SLC35F1: variants seen among roughly 807,000 people sequenced by gnomAD.
SLC35F1 encodes solute carrier family 35 member F1, also known as chromosome 6 open reading frame 169.
Under a neutral mutation model 48.7 loss-of-function variants are expected in SLC35F1, and 14 were observed. That is an observed-to-expected ratio of 0.29 (90% CI 0.19 to 0.45). The LOEUF is 0.45. SLC35F1 is among the 20% of genes least tolerant of loss of function. The probability of loss-of-function intolerance (pLI) is 1.00; values close to 1 mark genes in which losing one functional copy is unlikely to be tolerated. For missense variants in SLC35F1, 404 were observed against 500.0 expected, an observed-to-expected ratio of 0.81 and a Z score of 1.83; for synonymous variants, 190 against 202.2, an observed-to-expected ratio of 0.94 and a Z score of 0.51.
At chr6:118,243,555 G>A (rs1775467596) in intron 3 of SLC35F1, among the ~76,000 whole-genome samples, 1 of 152,186 alleles carries the variant, frequency 6.6e-6, no homozygotes, top group Admixed American at 6.5e-5. Context: ...ATACAATACA[G>A]TAAGCGTGAT....
At chr6:117,923,752 T>TGTACATATAC (rs1210478441) in intron 1 of SLC35F1, among the ~76,000 whole-genome samples, 1 of 57,006 alleles carries the variant, frequency 1.8e-5, no homozygotes, top group Non-Finnish European at 3.9e-5. Flanking sequence ...TATATGTACA[T>TGTACATATAC]ATATACATAT....
At chr6:118,048,809 A>G (rs1003469998) in intron 1 of SLC35F1, among the ~76,000 whole-genome samples, 16 of 152,316 alleles carry the variant, frequency 1.1e-4, no homozygotes, top group African/African-American at 3.6e-4. Flanking sequence ...TATAGATTCA[A>G]TGCCATCCCC....
At chr6:118,199,029 A>C (rs1031728798) in intron 2 of SLC35F1, among the ~76,000 whole-genome samples, 13 of 152,154 alleles carry the variant, frequency 8.5e-5, no homozygotes, top group African/African-American at 3.1e-4. Flanking sequence ...GGGCAGATGG[A>C]TTCTTATTTA....
In SLC35F1 at chr6:118,154,660, C is replaced by A. The variant is rs114778047; in HGVS notation, c.349+40C>A. 54 of 1,541,752 alleles carry A rather than the reference C, an allele frequency of 3.5e-5. 1 individual carries two copies. The East Asian group carries it at 6.8e-4, about 20-fold the overall frequency. On this transcript the variant is annotated intron_variant, in intron 2 of 7. Coordinates refer to ENST00000360388, the MANE Select transcript of SLC35F1 (RefSeq NM_001029858.4). ...GCACCAGGAATATAACTTTTACAAA[C>A]ACCTAAAAAAAAGATGAGCCATGAC... is the stretch of plus-strand genomic sequence containing the variant.
At chr6:118,275,316 C>G in intron 4 of SLC35F1, 143 bp from the exon 5 acceptor site, 1 of 900,378 alleles carries the variant, frequency 1.1e-6, no homozygotes, top group Non-Finnish European at 1.6e-6. Context: ...ATAAACTTTA[C>G]TAAATCTCAG....
chr6:118,250,347 G>A (rs1009252543), intron 3 of SLC35F1, among the ~76,000 whole-genome samples: 1 of 152,202 alleles, frequency 6.6e-6, no homozygotes, highest in Non-Finnish European at 1.5e-5. Flanking sequence ...TTGTGAGATA[G>A]TGCCTACACA....
At chr6:118,292,908 T>C (rs959894716) in intron 7 of SLC35F1, among the ~76,000 whole-genome samples, 3 of 152,158 alleles carry the variant, frequency 2.0e-5, no homozygotes, top group Non-Finnish European at 4.4e-5. Flanking sequence ...TGAGAAGTGG[T>C]TATGTATTTC....
intron 1 of SLC35F1, among the ~76,000 whole-genome samples, chr6:117,939,718 G>T (rs1375854605): frequency 6.6e-6 from 1 of 152,124 alleles, no homozygotes; most frequent in Non-Finnish European, 1.5e-5. Context: ...GGGAGGAGAT[G>T]GTTTTTTAAA....
intron 2 of SLC35F1, among the ~76,000 whole-genome samples, chr6:118,157,182 C>T (rs1774157005): frequency 6.6e-6 from 1 of 152,234 alleles, no homozygotes; most frequent in South Asian, 2.1e-4. Context: ...GAGTAGAGGC[C>T]CATCCAACGC....
intron 2 of SLC35F1, among the ~76,000 whole-genome samples, chr6:118,164,474 A>G (rs1398365401): frequency 6.6e-6 from 1 of 152,194 alleles, no homozygotes. Context: ...GTCAAAATTC[A>G]AGAGTCATTG....
At chr6:117,932,203 C>G (rs547728897) in intron 1 of SLC35F1, among the ~76,000 whole-genome samples, 13 of 152,186 alleles carry the variant, frequency 8.5e-5, no homozygotes, top group Non-Finnish European at 1.3e-4. Flanking sequence ...ACGAAATCTG[C>G]TGGCACCTGG....
intron 1 of SLC35F1, among the ~76,000 whole-genome samples, chr6:117,918,745 T>C (rs541199942): frequency 2.0e-5 from 3 of 152,046 alleles, no homozygotes; most frequent in African/African-American, 7.2e-5. Flanking sequence ...AAAGATGAAC[T>C]CAGATCTGTG....
intron 1 of SLC35F1, chr6:117,999,250 G>T: frequency 6.3e-7 from 1 of 1,596,456 alleles, no homozygotes; most frequent in East Asian, 2.2e-5. Context: ...TCAGCTGCAA[G>T]CTCGATCGAC....
At chr6:118,122,871 G>A (rs538173331) in intron 1 of SLC35F1, among the ~76,000 whole-genome samples, 2 of 152,278 alleles carry the variant, frequency 1.3e-5, no homozygotes, top group Non-Finnish European at 2.9e-5. Context: ...TAAGGCACAG[G>A]GAAGAGTATT....
At chr6:118,312,402 GTCT>G (rs1776381738) in intron 7 of SLC35F1, among the ~76,000 whole-genome samples, 2 of 152,156 alleles carry the variant, frequency 1.3e-5, no homozygotes, top group Admixed American at 6.5e-5. Flanking sequence ...ACTGTTAGTG[GTCT>G]TCTTTTTATA....
At chr6:118,236,463 T>C (rs537404722) in intron 3 of SLC35F1, among the ~76,000 whole-genome samples, 11 of 152,366 alleles carry the variant, frequency 7.2e-5, no homozygotes, top group African/African-American at 2.6e-4. Context: ...TTAGCTTTGA[T>C]ACTTCCTGCC....
At chr6:118,249,986 A>G (rs1775553340) in intron 3 of SLC35F1, among the ~76,000 whole-genome samples, 2 of 152,238 alleles carry the variant, frequency 1.3e-5, no homozygotes, top group South Asian at 4.1e-4. Flanking sequence ...AAGTAGATTT[A>G]TACAGTACAG....
intron 1 of SLC35F1, among the ~76,000 whole-genome samples, chr6:117,930,959 ACTTGAGTC>A (rs1356681737): frequency 2.0e-5 from 3 of 152,186 alleles, no homozygotes; most frequent in Non-Finnish European, 4.4e-5. Context: ...GGCCATCTGA[ACTTGAGTC>A]CTTTACCTTT....
intron 1 of SLC35F1, among the ~76,000 whole-genome samples, chr6:117,942,407 CT>C (rs765559262): frequency 1.2e-4 from 18 of 152,154 alleles, no homozygotes; most frequent in Non-Finnish European, 2.4e-4. Context: ...ATGTTCATGA[CT>C]TTCTGTTCAT....
Sources: gnomAD v4.1 joint callset for allele counts (sites outside exome capture counted in the v4.1 genomes callset) on GRCh38, gnomAD v4.1.1 for gene constraint, MANE v1.5 for transcripts, NCBI Gene and HGNC (gene_info 2026-07-23, HGNC 2026-07-21) for gene names.